The following CRYBG1 variants were observed in gnomAD, a reference collection of about 807,000 sequenced individuals.
The protein encoded by CRYBG1 is beta/gamma crystallin domain-containing protein 1.
CRYBG1 carries 139 observed loss-of-function variants against 189.2 expected under a neutral mutation model. That is an observed-to-expected ratio of 0.73 (90% CI 0.64 to 0.85). The LOEUF (loss-of-function observed/expected upper bound fraction) is 0.85. CRYBG1 is among the 40% of genes least tolerant of loss of function. The pLI is 0.00. For synonymous variants in CRYBG1, 1,023 were observed against 1,017.1 expected (o/e 1.01, Z -0.11); for missense variants, 2,611 against 2,675.8 (o/e 0.98, Z 0.53).
intron 8 of CRYBG1, among the ~76,000 whole-genome samples, chr6:106,535,189 C>T (rs944308831): frequency 6.6e-6 from 1 of 152,138 alleles, no homozygotes; most frequent in Non-Finnish European, 1.5e-5. Context: ...TGCTGCCCAC[C>T]GTGGTTACAC....
chr6:106,483,952 ATTTTCT>A (rs1772538694), intron 2 of CRYBG1, among the ~76,000 whole-genome samples: 1 of 152,018 alleles, frequency 6.6e-6, no homozygotes, highest in Non-Finnish European at 1.5e-5. Flanking sequence ...TTTCCTCTAC[ATTTTCT>A]TCTAGTAGGT....
chr6:106,432,606 A>G (rs1424725536), intron 1 of CRYBG1, among the ~76,000 whole-genome samples: 4 of 152,168 alleles, frequency 2.6e-5, no homozygotes, highest in Admixed American at 6.5e-5. Flanking sequence ...TAACCGAAAC[A>G]TAGGAGTTAT....
intron 2 of CRYBG1, among the ~76,000 whole-genome samples, chr6:106,485,431 G>A (rs1382829971): frequency 6.6e-6 from 1 of 152,102 alleles, no homozygotes; most frequent in East Asian, 1.9e-4. Context: ...CTAAATATAA[G>A]ATCACATCAT....
chr6:106,495,001 A>G (rs1391774876), intron 2 of CRYBG1, among the ~76,000 whole-genome samples: 1 of 152,172 alleles, frequency 6.6e-6, no homozygotes, highest in Non-Finnish European at 1.5e-5. Context: ...TAATCCTATA[A>G]TCAGGTTTTT....
At chr6:106,438,159 T>C (rs1403409853) in intron 1 of CRYBG1, among the ~76,000 whole-genome samples, 1 of 152,244 alleles carries the variant, frequency 6.6e-6, no homozygotes, top group Middle Eastern at 3.2e-3. Flanking sequence ...GACTGGCACA[T>C]GCCAAGCCTC....
chr6:106,360,767 C>A lies in CRYBG1; in HGVS notation c.-142C>A. ...CTGGTTCTGCAACCCGCGGCCGTCC[C>A]CCCGCATCCGCGACGAGGGGGCGGG... On this transcript the variant is annotated 5_prime_UTR_variant, in exon 1 of 22. Transcript: ENST00000633556. The A allele has an allele frequency of 1.0e-6, 1 of 999,288 alleles. No homozygotes were observed. Among genetic ancestry groups the A allele is most frequent in the Non-Finnish European group, 1.4e-6 (1 of 718,602 alleles). 61.9% of individuals were successfully genotyped at this position (999,288 alleles called of 1,614,324 possible). A position where few individuals can be genotyped will look rare whatever the true frequency, so the allele number is the denominator to read the frequency against.
rs1774719577 is a variant in CRYBG1 at position 106,561,498 on chromosome 6, AG to A, written c.6138+1del. 6.2e-7 allele frequency: 1 copy of A among 1,611,422 alleles called. No individual in the cohort carries two copies. The highest frequency in any genetic ancestry group is 1.3e-5 in the African/African-American group (1 of 74,978). On this transcript the variant is annotated frameshift_variant and splice_region_variant, in exon 20 of 22. Coordinates refer to ENST00000633556, the MANE Select transcript of CRYBG1 (RefSeq NM_001371242.2). LOFTEE classifies it high-confidence loss of function. ...CTATCAAGAAGGATGTATCAAATGC[AG>A]GGTGAGCTTTAGGATTCCACGGGGG... Reference protein sequence around the residue: ...WIYQEGCIKCRIAEDCCLTIV... With the variant: ...WIYQEGCIKCXIAEDCCLTIV...
chr6:106,426,962 C>T (rs368118395), intron 1 of CRYBG1, among the ~76,000 whole-genome samples: 3 of 152,300 alleles, frequency 2.0e-5, no homozygotes, highest in Admixed American at 6.5e-5. Flanking sequence ...CATCTCGCAA[C>T]GCCTCCAGGT....
intron 1 of CRYBG1, among the ~76,000 whole-genome samples, chr6:106,422,344 A>ATTTATTTATTTATTTATTTTTTTTTTT (rs57640822): frequency 1.4e-5 from 2 of 139,990 alleles, no homozygotes; most frequent in African/African-American, 5.3e-5. Context: ...TTATTTATTT[A>ATTTATTTATTTATTTATTTTTTTTTTT]TTTTTGAGAC....
intron 1 of CRYBG1, among the ~76,000 whole-genome samples, chr6:106,435,202 G>A (rs1771431220): frequency 6.6e-6 from 1 of 151,960 alleles, no homozygotes; most frequent in Non-Finnish European, 1.5e-5. Flanking sequence ...TAGAGACAAG[G>A]TCTCCCTCTG....
intron 13 of CRYBG1, among the ~76,000 whole-genome samples, chr6:106,551,384 T>G (rs189986761): frequency 6.6e-5 from 10 of 152,384 alleles, no homozygotes; most frequent in South Asian, 2.1e-4. Context: ...ATGGTTTATA[T>G]GTACCACATT....
intron 1 of CRYBG1, among the ~76,000 whole-genome samples, chr6:106,445,581 C>T (rs941582640): frequency 1.3e-5 from 2 of 152,164 alleles, no homozygotes; most frequent in African/African-American, 4.8e-5. Context: ...ATTACAATAG[C>T]TGATACTTAT....
In CRYBG1 at chr6:106,364,567, A is replaced by T. The variant is rs554088634; in HGVS notation, c.173+3486A>T. 1.4e-4 allele frequency among the ~76,000 whole-genome samples: 21 copies of T among 152,250 alleles called. No individual in the cohort carries two copies. The South Asian group carries it at 4.1e-3, about 30-fold the overall frequency. ...TCATATGATGTTATTTTTCACAAAG[A>T]TAGAGTTGCTGCCCTCCTGAGTCAG... On this transcript the variant is annotated intron_variant, in intron 1 of 21. Transcript: ENST00000633556.
chr6:106,515,733 G>A (rs1424382686), intron 3 of CRYBG1, among the ~76,000 whole-genome samples: 1 of 151,788 alleles, frequency 6.6e-6, no homozygotes, highest in Non-Finnish European at 1.5e-5. Flanking sequence ...CAATGCCTGG[G>A]AGAAATTTAT....
intron 4 of CRYBG1, among the ~76,000 whole-genome samples, chr6:106,521,711 C>CTTTTTTTTTTTTTTTT (rs397976859): frequency 1.4e-5 from 1 of 72,188 alleles, no homozygotes; most frequent in Admixed American, 2.2e-4. Context: ...GGCACATGAT[C>CTTTTTTTTTTTTTTTT]TTTTTTTTTT....
intron 1 of CRYBG1, among the ~76,000 whole-genome samples, chr6:106,379,819 A>G (rs1770252093): frequency 6.6e-6 from 1 of 151,924 alleles, no homozygotes; most frequent in Admixed American, 6.6e-5. Context: ...GCCTCAAAAA[A>G]TCCTCCTGCC....
intron 20 of CRYBG1, among the ~76,000 whole-genome samples, chr6:106,562,278 G>A (rs1362561069): frequency 6.6e-6 from 1 of 152,158 alleles, no homozygotes. Context: ...ATGCATAGAA[G>A]AACTAGCAGG....
At chr6:106,486,612 G>A (rs1440563509) in intron 2 of CRYBG1, among the ~76,000 whole-genome samples, 3 of 151,800 alleles carry the variant, frequency 2.0e-5, no homozygotes, top group Non-Finnish European at 4.4e-5. Context: ...TCTGGTATTG[G>A]ATATATATAT....
chr6:106,376,031 T>C (rs1770157056), intron 1 of CRYBG1, among the ~76,000 whole-genome samples: 1 of 152,238 alleles, frequency 6.6e-6, no homozygotes, highest in African/African-American at 2.4e-5. Flanking sequence ...TCTTATTGCA[T>C]GTAACATTTT....
Sources: allele counts gnomAD v4.1 joint callset (sites outside exome capture counted in the v4.1 genomes callset), GRCh38; gene constraint gnomAD v4.1.1; transcripts MANE v1.5; gene names NCBI Gene and HGNC (gene_info 2026-07-23, HGNC 2026-07-21).